XDH: variants seen among roughly 807,000 people sequenced by gnomAD.
XDH encodes the protein xanthine dehydrogenase, also known as xanthine dehydrogenase/oxidase.
In XDH, 138 loss-of-function variants were observed where a neutral mutation model predicts 156.1. The ratio of observed to expected loss-of-function variants is 0.88; its 90% CI spans 0.77 to 1.02. The LOEUF is 1.02. XDH is among the 50% of genes least tolerant of loss of function. The pLI is 0.00. For synonymous variants in XDH, 669 were observed against 625.7 expected (o/e 1.07, Z -1.03); for missense variants, 1,849 against 1,684.9 (o/e 1.10, Z -1.71).
At chr2:31,389,203 C>T (rs75529829) in intron 6 of XDH, among the ~76,000 whole-genome samples, 1,674 of 152,348 alleles carry the variant, frequency 0.011, 40 homozygotes, top group African/African-American at 0.039. Context: ...AGACACCATG[C>T]CATGCTGGCA....
Position 31,365,446 on chromosome 2 carries a change from A to T in XDH, c.2544+11T>A, listed in dbSNP as rs772861615. On this transcript the variant is annotated intron_variant, in intron 23 of 35. Transcript: ENST00000379416. ...CTCATCCCGCCCCAGCACAGCCCCA[A>T]CATCTAGAACCTTGTATCTGGCCAG... The T allele has an allele frequency of 6.2e-7, 1 of 1,614,130 alleles. No homozygotes were observed. The highest frequency in any genetic ancestry group is 8.5e-7 in the Non-Finnish European group (1 of 1,179,974).
At chr2:31,385,512 C>G (rs1686564278) in intron 9 of XDH, among the ~76,000 whole-genome samples, 1 of 152,210 alleles carries the variant, frequency 6.6e-6, no homozygotes, top group African/African-American at 2.4e-5. Flanking sequence ...AGAGCCAGGA[C>G]CTGACTGCTT....
At chr2:31,371,514 C>T (rs1378641322) in intron 17 of XDH, among the ~76,000 whole-genome samples, 2 of 152,182 alleles carry the variant, frequency 1.3e-5, no homozygotes, top group African/African-American at 4.8e-5. Flanking sequence ...ACAACAATGT[C>T]AACCCCCTCA....
chr2:31,405,749 A>G (rs1364059244), intron 2 of XDH, among the ~76,000 whole-genome samples, 158 bp downstream of exon 2: 1 of 152,180 alleles, frequency 6.6e-6, no homozygotes, highest in African/African-American at 2.4e-5. Context: ...TTCAGATTAC[A>G]GGTGCAACTA....
chr2:31,349,738 G>A lies in XDH; in HGVS notation c.2917C>T (p.Leu973=), dbSNP rs1685409170. The A allele has an allele frequency of 1.2e-6, 2 of 1,614,076 alleles. No homozygotes were observed. Among genetic ancestry groups the A allele is most frequent in the South Asian group, 1.1e-5 (1 of 91,082 alleles). The change falls in exon 26 of 36, where the codon CTA becomes TTA. Residue 973 remains leucine, a synonymous_variant. Coordinates refer to ENST00000379416, the MANE Select transcript of XDH (RefSeq NM_000379.4). The stretch of plus-strand genomic sequence containing the variant: ...CGAGCATGATACTGAGAGCTTGCTA[G>A]GCATTCTTCCCAGCATCTGGGCAAG... The part of the protein sequence containing the change: ...FTLPRCWEEC[L]ASSQYHARKS...
rs35724511 is a variant in XDH, at chr2:31,352,885, C to CTTTT, written c.2632-2666_2632-2663dup. On this transcript the variant is annotated intron_variant, in intron 24 of 35. Coordinates refer to ENST00000379416, the MANE Select transcript of XDH (RefSeq NM_000379.4). ...GTCGGCTTTTCCTGAAAACTTTAAC[C>CTTTT]TTTTTTTTTTTTTTTCAAAGAGACA... Among the ~76,000 whole-genome samples the CTTTT allele has an allele frequency of 9.8e-4, 138 of 140,332 alleles. 1 individual carries two copies. The highest frequency in any genetic ancestry group is 3.3e-3 in the African/African-American group (124 of 37,800). The allele number at this position is 140,332 out of a possible 152,430, so 92.1% of individuals were successfully genotyped here.
chr2:31,384,770 A>G (rs1188202205), intron 9 of XDH, among the ~76,000 whole-genome samples: 1 of 152,120 alleles, frequency 6.6e-6, no homozygotes, highest in Non-Finnish European at 1.5e-5. Flanking sequence ...CCCTTCAGAA[A>G]TCCTAGAAGC....
intron 31 of XDH, among the ~76,000 whole-genome samples, chr2:31,343,071 AC>A: frequency 6.6e-6 from 1 of 151,838 alleles, no homozygotes; most frequent in Non-Finnish European, 1.5e-5. Flanking sequence ...CAAAAACAAA[AC>A]CAATATGGGG....
At chr2:31,357,188 T>C (rs1417291520) in intron 24 of XDH, among the ~76,000 whole-genome samples, 1 of 151,898 alleles carries the variant, frequency 6.6e-6, no homozygotes, top group Non-Finnish European at 1.5e-5. Context: ...CTCAAGAACC[T>C]AGAAAAAGAG....
At chr2:31,364,853 C>G (rs1453419451) in intron 23 of XDH, among the ~76,000 whole-genome samples, 2 of 152,162 alleles carry the variant, frequency 1.3e-5, no homozygotes, top group Non-Finnish European at 2.9e-5. Flanking sequence ...GGTCAAAGGC[C>G]ATGTTCAAGG....
chr2:31,343,574 T>TTATATAAGGCATATATATATA (rs1685199792), intron 31 of XDH, among the ~76,000 whole-genome samples: 1 of 96,410 alleles, frequency 1.0e-5, no homozygotes, highest in African/African-American at 4.5e-5. Flanking sequence ...ATATATATAT[T>TTATATAAGGCATATATATATA]CAGTGTAATA....
intron 26 of XDH, 148 bp from the exon 27 acceptor site, chr2:31,349,128 C>A (rs1558679145): frequency 1.3e-6 from 1 of 751,520 alleles, no homozygotes. Flanking sequence ...ACCAGGGGGT[C>A]TTGTCAACAC....
chr2:31,378,088 A>G, intron 13 of XDH, among the ~76,000 whole-genome samples: 1 of 51,706 alleles, frequency 1.9e-5, no homozygotes, highest in East Asian at 5.6e-4. Flanking sequence ...GAAAGAAAGA[A>G]AGAAAGAAAG....
At chr2:31,368,096 G>A (rs1378973129) in intron 19 of XDH, 39 bp from the exon 20 acceptor site, 21 of 1,582,244 alleles carry the variant, frequency 1.3e-5, no homozygotes, top group Non-Finnish European at 1.8e-5. Context: ...GTGGCTTTTA[G>A]CAGGGAGGGA....
At chr2:31,370,507 G>A (rs1334411459) in intron 17 of XDH, 29 bp from the exon 18 acceptor site, 1 of 1,613,566 alleles carries the variant, frequency 6.2e-7, no homozygotes, top group Non-Finnish European at 8.5e-7. Context: ...TGAGGGGCCA[G>A]GTCAGCAAGC....
chr2:31,407,323 T>A (rs923070304), intron 1 of XDH, among the ~76,000 whole-genome samples: 3 of 152,204 alleles, frequency 2.0e-5, no homozygotes, highest in African/African-American at 7.2e-5. Context: ...GGGGTTGGTA[T>A]ACACTCCCGG....
In XDH at chr2:31,383,012, T is replaced by A; in HGVS notation, c.1027A>T (p.Lys343Ter). ...QLRWFAGKQV[K>*]SVASVGGNII... ...TGAGAGCGACTCACCGCCACAGACT[T>A]GACTTGCTTCCCAGCAAACCAGCGC... is the stretch of plus-strand genomic sequence containing the variant. The change falls in exon 11 of 36, where the codon AAG (lysine) becomes TAG (stop). Residue 343 changes from lysine to a stop codon, truncating the protein, a stop_gained. Coordinates refer to ENST00000379416, the MANE Select transcript of XDH (RefSeq NM_000379.4). LOFTEE classifies it high-confidence loss of function. 1 of 1,614,180 alleles carries A rather than the reference T, an allele frequency of 6.2e-7. No individual in the cohort carries two copies. The highest frequency in any genetic ancestry group is 8.5e-7 in the Non-Finnish European group (1 of 1,180,030).
chr2:31,342,364 A>G (rs2148750511), intron 31 of XDH, 67 bp from the exon 32 acceptor site: 3 of 1,365,524 alleles, frequency 2.2e-6, no homozygotes, highest in African/African-American at 1.4e-5. Context: ...CTATGCACGT[A>G]CAGCTTGACC....
At chr2:31,406,479 G>A (rs1687194105) in intron 1 of XDH, among the ~76,000 whole-genome samples, 2 of 152,110 alleles carry the variant, frequency 1.3e-5, no homozygotes, top group South Asian at 4.1e-4. Context: ...CTAATACAAT[G>A]TGCTAAATAG....
Sources: gnomAD v4.1 joint callset for allele counts (sites outside exome capture counted in the v4.1 genomes callset) on GRCh38, gnomAD v4.1.1 for gene constraint, MANE v1.5 for transcripts, NCBI Gene and HGNC (gene_info 2026-07-23, HGNC 2026-07-21) for gene names.